Variants in GALNTL6 observed in about 807,000 individuals in gnomAD.
The protein encoded by GALNTL6 is polypeptide N-acetylgalactosaminyltransferase-like 6.
In GALNTL6, 46 loss-of-function variants were observed where a neutral mutation model predicts 73.7. The observed-to-expected ratio is 0.62, with a 90% CI of 0.49 to 0.80. GALNTL6 has a LOEUF of 0.80. GALNTL6 is among the 30% of genes least tolerant of loss of function. GALNTL6 has a pLI of 0.00. For synonymous variants in GALNTL6, 259 were observed against 263.7 expected (o/e 0.98, Z 0.17); for missense variants, 604 against 755.0 (o/e 0.80, Z 2.34).
chr4:172,318,344 A>C (rs1740637015), intron 4 of GALNTL6, among the ~76,000 whole-genome samples: 1 of 152,206 alleles, frequency 6.6e-6, no homozygotes, highest in South Asian at 2.1e-4. Flanking sequence ...GAGAGATAAC[A>C]GTTTAAGACT....
intron 5 of GALNTL6, among the ~76,000 whole-genome samples, chr4:172,701,768 C>T (rs1211905950): frequency 6.6e-6 from 1 of 151,894 alleles, no homozygotes; most frequent in South Asian, 2.1e-4. Flanking sequence ...GAACATTGTA[C>T]ATTAATGGTA....
At chr4:172,266,365 A>AT (rs1459386860) in intron 3 of GALNTL6, 4 of 152,128 alleles carry the variant, frequency 2.6e-5, no homozygotes, top group Non-Finnish European at 5.9e-5. Context: ...TAATGCTTCA[A>AT]GTTACAGTTA....
At chr4:172,502,111 C>T (rs1049627434) in intron 5 of GALNTL6, among the ~76,000 whole-genome samples, 2 of 152,150 alleles carry the variant, frequency 1.3e-5, no homozygotes, top group Non-Finnish European at 2.9e-5. Flanking sequence ...ATACATACTC[C>T]TTCCAGCTAT....
intron 7 of GALNTL6, among the ~76,000 whole-genome samples, chr4:172,817,933 G>T (rs942620260): frequency 2.0e-5 from 3 of 152,182 alleles, no homozygotes; most frequent in African/African-American, 7.2e-5. Context: ...TATCTAATTG[G>T]TCTTTAATGA....
chr4:173,013,968 T>C (rs567824361), intron 11 of GALNTL6, among the ~76,000 whole-genome samples: 1 of 152,238 alleles, frequency 6.6e-6, no homozygotes, highest in South Asian at 2.1e-4. Flanking sequence ...ATGACAATTA[T>C]GGATTTTCTT....
chr4:172,758,144 T>C (rs1017474274), intron 5 of GALNTL6, among the ~76,000 whole-genome samples: 2 of 152,248 alleles, frequency 1.3e-5, no homozygotes, highest in Non-Finnish European at 2.9e-5. Flanking sequence ...CATAAACATC[T>C]ATATATTCAT....
At chr4:172,460,710 A>G (rs560560289) in intron 5 of GALNTL6, among the ~76,000 whole-genome samples, 7 of 152,294 alleles carry the variant, frequency 4.6e-5, no homozygotes, top group East Asian at 1.9e-4. Flanking sequence ...TAAAAAGTCA[A>G]GAAACAACAG....
intron 5 of GALNTL6, among the ~76,000 whole-genome samples, chr4:172,503,544 ATATATG>A (rs59525410): frequency 0.43 from 60,352 of 141,032 alleles, 15,827 homozygotes; most frequent in South Asian, 0.67. Context: ...ATATATATAT[ATATATG>A]TATTAGTTTT....
intron 3 of GALNTL6, among the ~76,000 whole-genome samples, chr4:172,294,106 ATTTT>A (rs1373142141): frequency 5.9e-5 from 9 of 151,784 alleles, no homozygotes; most frequent in Admixed American, 1.3e-4. Context: ...AAAATTATTT[ATTTT>A]ATTAGTCTTT....
intron 7 of GALNTL6, among the ~76,000 whole-genome samples, chr4:172,820,961 C>G (rs537471712): frequency 9.2e-5 from 14 of 152,306 alleles, no homozygotes; most frequent in African/African-American, 3.1e-4. Context: ...GGAGAGTTAA[C>G]TAGGTCTTCA....
chr4:172,003,608 T>C (rs1350669760), intron 2 of GALNTL6, among the ~76,000 whole-genome samples: 1 of 152,126 alleles, frequency 6.6e-6, no homozygotes, highest in Non-Finnish European at 1.5e-5. Context: ...TAATATTCAA[T>C]CTTTAAGCCA....
intron 2 of GALNTL6, among the ~76,000 whole-genome samples, chr4:171,875,134 G>A (rs1178392519): frequency 2.6e-5 from 4 of 152,164 alleles, no homozygotes; most frequent in Non-Finnish European, 5.9e-5. Context: ...TGAGCCTTTA[G>A]CGATAGGTAC....
intron 10 of GALNTL6, among the ~76,000 whole-genome samples, chr4:172,960,536 T>G (rs914394072): frequency 1.3e-5 from 2 of 151,918 alleles, no homozygotes; most frequent in Non-Finnish European, 2.9e-5. Context: ...CAGCGACGCT[T>G]GGGGTTGGGA....
intron 2 of GALNTL6, among the ~76,000 whole-genome samples, chr4:171,888,185 G>A (rs1736657257): frequency 6.6e-6 from 1 of 151,840 alleles, no homozygotes; most frequent in African/African-American, 2.4e-5. Context: ...AAACGTCAGT[G>A]AGAATTTAAT....
chr4:172,770,528 G>A (rs1166327973), intron 5 of GALNTL6, among the ~76,000 whole-genome samples: 2 of 152,070 alleles, frequency 1.3e-5, no homozygotes, highest in African/African-American at 4.8e-5. Flanking sequence ...ATCCTACCAA[G>A]AAAAGTTAAG....
At chr4:172,410,723 A>G (rs921923753) in intron 5 of GALNTL6, among the ~76,000 whole-genome samples, 4 of 152,094 alleles carry the variant, frequency 2.6e-5, no homozygotes, top group Admixed American at 6.6e-5. Context: ...TGGTTTTTTA[A>G]GTTTACTTTG....
At chr4:172,845,419 T>G (rs1579558545) in intron 7 of GALNTL6, among the ~76,000 whole-genome samples, 1 of 152,038 alleles carries the variant, frequency 6.6e-6, no homozygotes, top group East Asian at 1.9e-4. Flanking sequence ...CACTTAGAAA[T>G]GTACTGGACT....
intron 2 of GALNTL6, among the ~76,000 whole-genome samples, chr4:171,875,300 G>C (rs1230666282): frequency 6.6e-6 from 1 of 152,146 alleles, no homozygotes; most frequent in Non-Finnish European, 1.5e-5. Flanking sequence ...TGGACTGACC[G>C]GGCTGGGAGC....
At chr4:172,185,463 A>G (rs188357099) in intron 2 of GALNTL6, among the ~76,000 whole-genome samples, 60 of 152,346 alleles carry the variant, frequency 3.9e-4, no homozygotes, top group Admixed American at 1.6e-3. Flanking sequence ...TTGTTTGTAT[A>G]TCTTCTTTCA....
Sources: gnomAD v4.1 joint callset for allele counts (sites outside exome capture counted in the v4.1 genomes callset) on GRCh38, gnomAD v4.1.1 for gene constraint, MANE v1.5 for transcripts, NCBI Gene and HGNC (gene_info 2026-07-23, HGNC 2026-07-21) for gene names.